PPP2R2B: variants seen among roughly 807,000 people sequenced by gnomAD.
The protein encoded by PPP2R2B is serine/threonine-protein phosphatase 2A 55 kDa regulatory subunit B beta isoform.
Under a neutral mutation model 46.0 loss-of-function variants are expected in PPP2R2B, and 5 were observed. That is an observed-to-expected ratio of 0.11 (90% CI 0.06 to 0.23). The LOEUF is 0.23. PPP2R2B is among the 10% of genes least tolerant of loss of function. PPP2R2B has a pLI of 1.00. For missense variants in PPP2R2B, 367 were observed against 575.0 expected (o/e 0.64, Z 3.70); for synonymous variants, 215 against 206.7 (o/e 1.04, Z -0.34).
intron 2 of PPP2R2B, among the ~76,000 whole-genome samples, chr5:146,736,874 C>T (rs569326825): frequency 6.6e-6 from 1 of 152,254 alleles, no homozygotes; most frequent in South Asian, 2.1e-4. Context: ...CTATAACATA[C>T]ATTTACTCTC....
At chr5:146,632,061 G>GC (rs58956274) in intron 7 of PPP2R2B, among the ~76,000 whole-genome samples, 9,180 of 103,780 alleles carry the variant, frequency 0.088, 338 homozygotes, top group Middle Eastern at 0.12. Flanking sequence ...GCTGAGTTGT[G>GC]CCCCCCCCCC....
chr5:147,014,856 C>T (rs1754923127), intron 1 of PPP2R2B, among the ~76,000 whole-genome samples: 1 of 151,350 alleles, frequency 6.6e-6, no homozygotes, highest in South Asian at 2.1e-4. Context: ...GCACAATGTG[C>T]ACATGTACCC....
chr5:146,786,307 G>A (rs1437975382), intron 2 of PPP2R2B, among the ~76,000 whole-genome samples: 1 of 152,172 alleles, frequency 6.6e-6, no homozygotes, highest in Non-Finnish European at 1.5e-5. Flanking sequence ...CCACTTTTCT[G>A]TGATACACAC....
At chr5:146,688,364 A>G (rs184449419) in intron 5 of PPP2R2B, among the ~76,000 whole-genome samples, 1 of 151,928 alleles carries the variant, frequency 6.6e-6, no homozygotes, top group East Asian at 1.9e-4. Flanking sequence ...GGGATGATAG[A>G]GTCCAGTGAC....
intron 1 of PPP2R2B, among the ~76,000 whole-genome samples, chr5:146,951,180 TG>T (rs1206242448): frequency 6.6e-6 from 1 of 151,934 alleles, no homozygotes; most frequent in Non-Finnish European, 1.5e-5. Flanking sequence ...CTTTTTTGTT[TG>T]TTTTTTTTTA....
At chr5:146,964,615 T>C (rs1244550558) in intron 1 of PPP2R2B, among the ~76,000 whole-genome samples, 4 of 152,110 alleles carry the variant, frequency 2.6e-5, no homozygotes, top group Non-Finnish European at 5.9e-5. Context: ...AAGCTTTGCC[T>C]CCCAGGTTCA....
chr5:146,771,455 G>A (rs1754849957), intron 2 of PPP2R2B, among the ~76,000 whole-genome samples: 1 of 152,170 alleles, frequency 6.6e-6, no homozygotes, highest in Non-Finnish European at 1.5e-5. Flanking sequence ...CTGTTGACCT[G>A]AGGTATACTC....
At chr5:146,786,676 T>C (rs931288221) in intron 2 of PPP2R2B, among the ~76,000 whole-genome samples, 5 of 152,224 alleles carry the variant, frequency 3.3e-5, no homozygotes, top group African/African-American at 4.8e-5. Context: ...TGGTATCATT[T>C]GGAAAGAGAT....
At chr5:146,943,626 T>C (rs1377872511) in intron 1 of PPP2R2B, among the ~76,000 whole-genome samples, 3 of 152,164 alleles carry the variant, frequency 2.0e-5, no homozygotes, top group Admixed American at 2.0e-4. Flanking sequence ...ATCTTTCAAC[T>C]CTTTAGAATG....
intron 2 of PPP2R2B, among the ~76,000 whole-genome samples, chr5:146,725,593 T>C (rs1004354144): frequency 3.9e-5 from 6 of 152,208 alleles, no homozygotes; most frequent in Non-Finnish European, 8.8e-5. Context: ...TAGTGTACTA[T>C]CCTCTTCTCA....
At chr5:146,651,779 A>C (rs1775977110) in intron 5 of PPP2R2B, among the ~76,000 whole-genome samples, 1 of 152,240 alleles carries the variant, frequency 6.6e-6, no homozygotes, top group African/African-American at 2.4e-5. Flanking sequence ...GTGGTAGATT[A>C]AGACTTCAAC....
chr5:146,827,151 A>C lies in PPP2R2B; in HGVS notation c.70+50851T>G, dbSNP rs1013562393. Among the ~76,000 whole-genome samples the C allele has an allele frequency of 4.5e-4, 68 of 152,302 alleles. 1 individual carries two copies. The highest frequency in any genetic ancestry group is 4.3e-3 in the Admixed American group (66 of 15,286). ...GGGACCAAGGATATCATAGGGGCTTATGTGCATGCTTGGAATAACTACAGT... is the reference window on the plus strand; with the variant it reads ...GGGACCAAGGATATCATAGGGGCTTCTGTGCATGCTTGGAATAACTACAGT... On this transcript the variant is annotated intron_variant, in intron 2 of 9. Transcript: ENST00000394411.
intron 5 of PPP2R2B, among the ~76,000 whole-genome samples, chr5:146,682,618 G>A (rs1422042066): frequency 4.6e-5 from 7 of 152,164 alleles, no homozygotes; most frequent in East Asian, 1.9e-4. Context: ...ACAGGCTGCC[G>A]TCTGGGCATA....
intron 2 of PPP2R2B, among the ~76,000 whole-genome samples, chr5:146,837,173 C>T (rs1223673749): frequency 1.3e-5 from 2 of 152,120 alleles, no homozygotes; most frequent in Non-Finnish European, 2.9e-5. Context: ...AGTATCCACA[C>T]GATCATTGTT....
At chr5:146,816,364 C>T (rs951969723) in intron 2 of PPP2R2B, among the ~76,000 whole-genome samples, 18 of 152,192 alleles carry the variant, frequency 1.2e-4, no homozygotes, top group African/African-American at 4.3e-4. Context: ...TGCACTACTG[C>T]ACTCCACTCT....
chr5:147,026,245 A>T (rs1755522198), intron 1 of PPP2R2B, among the ~76,000 whole-genome samples: 1 of 152,144 alleles, frequency 6.6e-6, no homozygotes, highest in Non-Finnish European at 1.5e-5. Flanking sequence ...CCATCAACAG[A>T]TAAAGTACGG....
At chr5:146,804,707 T>C (rs534969952) in intron 2 of PPP2R2B, among the ~76,000 whole-genome samples, 1 of 152,180 alleles carries the variant, frequency 6.6e-6, no homozygotes, top group Non-Finnish European at 1.5e-5. Context: ...TTATTATATA[T>C]TAGACATGAA....
At chr5:146,732,940 G>T (rs1270067121) in intron 2 of PPP2R2B, among the ~76,000 whole-genome samples, 1 of 152,194 alleles carries the variant, frequency 6.6e-6, no homozygotes, top group Non-Finnish European at 1.5e-5. Flanking sequence ...TTCTGCTATT[G>T]CTGCTTCAGC....
At chr5:146,721,046 T>C (rs1780768663) in intron 2 of PPP2R2B, among the ~76,000 whole-genome samples, 1 of 152,184 alleles carries the variant, frequency 6.6e-6, no homozygotes, top group Admixed American at 6.5e-5. Context: ...GAAAAGTCAA[T>C]TAACCCACCA....
Sources: allele counts gnomAD v4.1 joint callset (sites outside exome capture counted in the v4.1 genomes callset), GRCh38; gene constraint gnomAD v4.1.1; transcripts MANE v1.5; gene names NCBI Gene and HGNC (gene_info 2026-07-23, HGNC 2026-07-21).